The following SAXO1 variants were observed in gnomAD, a reference collection of about 807,000 sequenced individuals.
The protein encoded by SAXO1 is 4930500O09Rik.
A neutral mutation model predicts 17.5 loss-of-function variants in SAXO1; 21 were observed. The ratio of observed to expected loss-of-function variants is 1.20; its 90% CI spans 0.85 to 1.72. SAXO1 has a LOEUF of 1.72. Among genes scored for constraint, SAXO1 ranks in the 40% most tolerant of loss-of-function variants. SAXO1 has a pLI of 0.00. For synonymous variants in SAXO1, 274 were observed against 216.5 expected, an observed-to-expected ratio of 1.27 and a Z score of -2.33; for missense variants, 843 against 596.0, an observed-to-expected ratio of 1.41 and a Z score of -4.32.
rs1035075305 is a variant in SAXO1 at position 19,003,937 on chromosome 9, T to C, written c.38+28934A>G. ...AGAGCTTCTGCAAAGCAAAAGAAAC[T>C]ACCATCACAGTTGGCAACCCACAGA... On this transcript the variant is annotated intron_variant, in intron 1 of 3. Transcript: ENST00000380534. 3.3e-5 allele frequency among the ~76,000 whole-genome samples: 5 copies of C among 152,116 alleles called. No homozygotes were observed. In the South Asian group the frequency reaches 6.3e-4, roughly 19 times the overall value.
At position 18,980,736 on chromosome 9, in the gene SAXO1, C is replaced by T. The variant is rs191819256; in HGVS notation, c.39-29799G>A. 4.0e-4 allele frequency among the ~76,000 whole-genome samples: 56 copies of T among 138,598 alleles called. 1 individual carries two copies. The highest frequency in any genetic ancestry group is 1.6e-3 in the African/African-American group (55 of 35,408). 90.9% of individuals were successfully genotyped at this position (138,598 alleles called of 152,430 possible). A position where few individuals can be genotyped will look rare whatever the true frequency, so the allele number is the denominator to read the frequency against. ...TATGTCTTATAATATTAAATAATAG[C>T]ACCACATTTGCTTTGTGGGAGGAGA... On this transcript the variant is annotated intron_variant, in intron 1 of 3. Transcript: ENST00000380534.
At chr9:19,009,521 T>C (rs1417856976) in intron 1 of SAXO1, among the ~76,000 whole-genome samples, 2 of 152,150 alleles carry the variant, frequency 1.3e-5, no homozygotes, top group Non-Finnish European at 2.9e-5. Context: ...CTTTTTGGGC[T>C]CTGGGCAAAC....
chr9:18,951,793 G>C (rs571432634), intron 1 of SAXO1, among the ~76,000 whole-genome samples: 1 of 152,134 alleles, frequency 6.6e-6, no homozygotes, highest in Non-Finnish European at 1.5e-5. Flanking sequence ...CACTGTACGT[G>C]TACACTGTAC....
At chr9:18,972,665 A>G (rs1035087720) in intron 1 of SAXO1, among the ~76,000 whole-genome samples, 1 of 152,218 alleles carries the variant, frequency 6.6e-6, no homozygotes, top group African/African-American at 2.4e-5. Flanking sequence ...TCAAGAGGAA[A>G]TGGACCTGGA....
chr9:19,013,034 C>G (rs1834816746), intron 1 of SAXO1, among the ~76,000 whole-genome samples: 1 of 152,172 alleles, frequency 6.6e-6, no homozygotes, highest in Non-Finnish European at 1.5e-5. Flanking sequence ...ACAACCTCCA[C>G]CTAGGCTGAA....
At chr9:18,967,617 GTCAAC>G (rs1373647586) in intron 1 of SAXO1, among the ~76,000 whole-genome samples, 2 of 152,174 alleles carry the variant, frequency 1.3e-5, no homozygotes, top group Non-Finnish European at 2.9e-5. Flanking sequence ...AGTGTCCCAG[GTCAAC>G]TTCAGACTGC....
In SAXO1 at chr9:19,032,851, C is replaced by T; in HGVS notation, c.38+20G>A. The T allele has an allele frequency of 6.2e-7, 1 of 1,609,166 alleles. No homozygotes were observed. ...AAAACCCAGGCTCCCCCAGCCTTGC[C>T]CTGGGCGTGGCCACCTTACCCGCAG... On this transcript the variant is annotated intron_variant, in intron 1 of 3. Coordinates refer to ENST00000380534, the MANE Select transcript of SAXO1 (RefSeq NM_153707.4).
intron 1 of SAXO1, among the ~76,000 whole-genome samples, chr9:18,956,902 C>G (rs1042608802): frequency 6.6e-6 from 1 of 152,194 alleles, no homozygotes; most frequent in African/African-American, 2.4e-5. Context: ...AAAACCAGTG[C>G]TATGAAGATG....
At chr9:19,032,849 GC>G in intron 1 of SAXO1, 21 bp downstream of exon 1, 2 of 1,608,810 alleles carry the variant, frequency 1.2e-6, no homozygotes, top group South Asian at 2.2e-5. Context: ...CCCCAGCCTT[GC>G]CCTGGGCGTG....
At chr9:19,021,360 T>C (rs767037340) in intron 1 of SAXO1, among the ~76,000 whole-genome samples, 4 of 152,126 alleles carry the variant, frequency 2.6e-5, no homozygotes, top group African/African-American at 7.2e-5. Context: ...GAAAGACACA[T>C]ACTCCCAACT....
intron 1 of SAXO1, among the ~76,000 whole-genome samples, chr9:19,045,133 A>G (rs1243002449): frequency 2.0e-5 from 3 of 147,136 alleles, no homozygotes; most frequent in Admixed American, 2.0e-4. Context: ...ACAAGGTGAA[A>G]CCCCGTCTCT....
intron 1 of SAXO1, chr9:19,027,759 C>T (rs1158587972): frequency 3.3e-6 from 5 of 1,497,922 alleles, no homozygotes; most frequent in East Asian, 2.4e-5. Flanking sequence ...GTGCAGAGGA[C>T]GATGCTGGAG....
intron 1 of SAXO1, among the ~76,000 whole-genome samples, chr9:18,971,867 A>G (rs909418569): frequency 1.3e-5 from 2 of 152,196 alleles, no homozygotes; most frequent in African/African-American, 2.4e-5. Flanking sequence ...ACTCCAATAA[A>G]ATATAGCACT....
intron 1 of SAXO1, among the ~76,000 whole-genome samples, chr9:19,016,360 C>T (rs1423280708): frequency 6.6e-6 from 1 of 152,208 alleles, no homozygotes; most frequent in Non-Finnish European, 1.5e-5. Flanking sequence ...CGCTTGAACC[C>T]AGGTGGCGGA....
At chr9:18,992,637 T>G (rs906783425) in intron 1 of SAXO1, among the ~76,000 whole-genome samples, 1 of 152,096 alleles carries the variant, frequency 6.6e-6, no homozygotes, top group Admixed American at 6.6e-5. Context: ...TGGCACCTCC[T>G]CAGGGAGGCC....
chr9:18,952,914 A>T (rs7044757), intron 1 of SAXO1, among the ~76,000 whole-genome samples: 85,713 of 151,786 alleles, frequency 0.56, 26,960 homozygotes, highest in Non-Finnish European at 0.71. Context: ...ATAAATTGAG[A>T]ACTTTAAAGT....
At chr9:18,982,975 A>C (rs1384715288) in intron 1 of SAXO1, among the ~76,000 whole-genome samples, 1 of 152,196 alleles carries the variant, frequency 6.6e-6, no homozygotes, top group Non-Finnish European at 1.5e-5. Context: ...TGGGCACCTA[A>C]ATCAGCAGAG....
chr9:18,941,595 C>T (rs764792860), intron 3 of SAXO1, 42 bp downstream of exon 3: 2 of 1,606,154 alleles, frequency 1.2e-6, no homozygotes, highest in East Asian at 4.5e-5. Context: ...CACACAGGCT[C>T]AGCCTGTCTT....
At chr9:18,937,162 C>A (rs115591723) in intron 3 of SAXO1, among the ~76,000 whole-genome samples, 185 of 152,316 alleles carry the variant, frequency 1.2e-3, no homozygotes, top group African/African-American at 4.2e-3. Context: ...GGTGATACAC[C>A]AAGAGATAAG....
Sources: allele counts gnomAD v4.1 joint callset (sites outside exome capture counted in the v4.1 genomes callset), GRCh38; gene constraint gnomAD v4.1.1; transcripts MANE v1.5; gene names NCBI Gene and HGNC (gene_info 2026-07-23, HGNC 2026-07-21).